Variants in PHKA1 observed in about 807,000 individuals in gnomAD.
PHKA1 encodes the protein phosphorylase b kinase regulatory subunit alpha, skeletal muscle isoform.
PHKA1 carries 60 observed loss-of-function variants against 110.2 expected under a neutral mutation model. That is an observed-to-expected ratio of 0.54 (90% CI 0.44 to 0.68). The LOEUF (loss-of-function observed/expected upper bound fraction) is 0.68, where lower values mean the gene tolerates loss of function less well. Ranked by LOEUF, PHKA1 falls within the 30% of genes least tolerant of loss-of-function variation. PHKA1 has a pLI of 0.00. For missense variants in PHKA1, 801 were observed against 942.5 expected, an observed-to-expected ratio of 0.85 and a Z score of 1.97; for synonymous variants, 316 against 333.6, an observed-to-expected ratio of 0.95 and a Z score of 0.58.
At chrX:72,650,301 A>C (rs1352579734) in intron 13 of PHKA1, 89 bp downstream of exon 13, 1 of 727,190 alleles carries the variant, frequency 1.4e-6, no homozygotes, top group African/African-American at 2.1e-5. Flanking sequence ...AACATATAGA[A>C]TAAAGTCATA....
chrX:72,610,383 T>C (rs1367154546), intron 22 of PHKA1, among the ~76,000 whole-genome samples: 4 of 111,888 alleles, frequency 3.6e-5, no homozygotes, highest in Admixed American at 2.9e-4. Flanking sequence ...TTTGTCTTTC[T>C]GTGCCTGGGT....
intron 7 of PHKA1, 132 bp from the exon 8 acceptor site, chrX:72,666,429 T>C (rs1648787413): frequency 1.8e-6 from 1 of 550,885 alleles, no homozygotes; most frequent in Non-Finnish European, 2.9e-6. Flanking sequence ...TTTATCTATT[T>C]TAAGTAGGTT....
chrX:72,592,024 G>C (rs1246833953), intron 29 of PHKA1, among the ~76,000 whole-genome samples: 1 of 111,331 alleles, frequency 9.0e-6, no homozygotes, highest in Non-Finnish European at 1.9e-5. Flanking sequence ...TAGATACTTT[G>C]CTTATTTACT....
At chrX:72,660,604 A>C (rs2053548014) in intron 8 of PHKA1, 1 of 359,899 alleles carries the variant, frequency 2.8e-6, no homozygotes, top group Admixed American at 3.1e-5. Context: ...AGCTATGTTC[A>C]CTCTTTTATA....
chrX:72,618,540 C>A (rs1200165397), intron 21 of PHKA1, among the ~76,000 whole-genome samples, 170 bp downstream of exon 21: 2 of 111,324 alleles, frequency 1.8e-5, no homozygotes, highest in Admixed American at 1.9e-4. Flanking sequence ...TATATATAAT[C>A]CAAATTCTAT....
At chrX:72,713,543 T>C (rs1189700004) in intron 1 of PHKA1, among the ~76,000 whole-genome samples, 1 of 111,192 alleles carries the variant, frequency 9.0e-6, no homozygotes, top group Non-Finnish European at 1.9e-5. Context: ...CTAGTTAGAA[T>C]GAACTAGCGA....
In PHKA1 at chrX:72,605,575, C is replaced by T. The variant is rs1556249781; in HGVS notation, c.2651G>A (p.Ser884Asn). 1 of 1,209,142 alleles carries T rather than the reference C, an allele frequency of 8.3e-7. No individual in the cohort carries two copies. The highest frequency in any genetic ancestry group is 1.8e-5 in the South Asian group (1 of 56,918). Reference sequence around the variant, plus strand: ...GATTGAAATGCTCATATCCCCTTCACTGGCTTCATCTATCAGCTGAGTGAG... The same window carrying T: ...GATTGAAATGCTCATATCCCCTTCATTGGCTTCATCTATCAGCTGAGTGAG... ...EALTQLIDEASEGDMSISILT... is the reference protein window; with the variant it reads ...EALTQLIDEANEGDMSISILT... Residue 884 changes from serine (S) to asparagine (N), a missense_variant, in exon 24 of 32, where the codon AGT (serine) becomes AAT (asparagine). Transcript: ENST00000373542.
chrX:72,701,279 G>A (rs1190550849), intron 3 of PHKA1, among the ~76,000 whole-genome samples: 1 of 111,976 alleles, frequency 8.9e-6, no homozygotes, highest in African/African-American at 3.2e-5. Flanking sequence ...CACATATAGG[G>A]TTTCTGACCC....
chrX:72,625,338 A>G (rs781791953), intron 17 of PHKA1, among the ~76,000 whole-genome samples: 1 of 111,819 alleles, frequency 8.9e-6, no homozygotes, highest in Non-Finnish European at 1.9e-5. Context: ...CCCACTTATA[A>G]GAGAGAACAT....
intron 17 of PHKA1, 27 bp downstream of exon 17, chrX:72,626,944 A>T (rs1603258588): frequency 9.0e-7 from 1 of 1,115,768 alleles, no homozygotes. Context: ...ATTTCATTTC[A>T]CTAAAGAGTG....
At chrX:72,609,949 T>C (rs1283477778) in intron 22 of PHKA1, among the ~76,000 whole-genome samples, 4 of 111,378 alleles carry the variant, frequency 3.6e-5, no homozygotes, top group Non-Finnish European at 7.5e-5. Context: ...TTTTCTTTCT[T>C]TTTAAAAAAT....
At position 72,705,309 on chromosome X, in the gene PHKA1, C is replaced by T. The variant is rs2054267280; in HGVS notation, c.238-64G>A. 3 of 836,026 alleles carry T rather than the reference C, an allele frequency of 3.6e-6. No individual in the cohort carries two copies. In the Admixed American group the frequency reaches 6.8e-5, roughly 19 times the overall value. 68.9% of individuals were successfully genotyped at this position (836,026 alleles called of 1,213,427 possible). A position where few individuals can be genotyped will look rare whatever the true frequency, so the allele number is the denominator to read the frequency against. On this transcript the variant is annotated intron_variant, in intron 2 of 31. Transcript: ENST00000373542. The stretch of plus-strand genomic sequence containing the variant: ...CCTAGATACAGGAACACTTACTCAG[C>T]AACTGCAGATGGTACATGACCTTTT...
At chrX:72,693,401 T>C (rs782681645) in intron 4 of PHKA1, among the ~76,000 whole-genome samples, 30 of 112,246 alleles carry the variant, frequency 2.7e-4, no homozygotes, top group Admixed American at 9.4e-4. Flanking sequence ...ATAAAGTCAA[T>C]TCCTTTGGGA....
At chrX:72,620,478 T>A in intron 19 of PHKA1, among the ~76,000 whole-genome samples, 1 of 112,335 alleles carries the variant, frequency 8.9e-6, no homozygotes, top group Middle Eastern at 4.6e-3. Flanking sequence ...TGTCTCTTGT[T>A]CTGCCTCTTC....
intron 28 of PHKA1, among the ~76,000 whole-genome samples, chrX:72,595,033 G>A (rs372457130): frequency 1.2e-4 from 13 of 111,517 alleles, no homozygotes; most frequent in East Asian, 5.6e-4. Context: ...ATATAGATGC[G>A]AAAATCCTCC....
intron 28 of PHKA1, among the ~76,000 whole-genome samples, chrX:72,601,274 C>T (rs184055608): frequency 2.2e-3 from 250 of 111,584 alleles, no homozygotes; most frequent in Non-Finnish European, 3.4e-3. Context: ...TGTTAAAGCA[C>T]GGTAAGGAAG....
At chrX:72,629,062 C>CTTTTTA (rs2053128664) in intron 16 of PHKA1, among the ~76,000 whole-genome samples, 1 of 111,411 alleles carries the variant, frequency 9.0e-6, no homozygotes, top group South Asian at 3.8e-4. Flanking sequence ...GTTTTAATTA[C>CTTTTTA]AATGGATCTT....
At chrX:72,684,845 T>A (rs1203336523) in intron 4 of PHKA1, among the ~76,000 whole-genome samples, 1 of 111,835 alleles carries the variant, frequency 8.9e-6, no homozygotes, top group Non-Finnish European at 1.9e-5. Context: ...TAAAATCTGA[T>A]TCTATAGGTA....
At chrX:72,698,466 A>G (rs530545837) in intron 3 of PHKA1, among the ~76,000 whole-genome samples, 1 of 112,599 alleles carries the variant, frequency 8.9e-6, no homozygotes, top group Middle Eastern at 4.7e-3. Flanking sequence ...ATTTGCCAGT[A>G]TACATTCTTT....
Sources: gnomAD v4.1 joint callset for allele counts (sites outside exome capture counted in the v4.1 genomes callset) on GRCh38, gnomAD v4.1.1 for gene constraint, MANE v1.5 for transcripts, NCBI Gene and HGNC (gene_info 2026-07-23, HGNC 2026-07-21) for gene names.